Variants in PDSS1 observed in about 807,000 individuals in gnomAD.
The protein encoded by PDSS1 is decaprenyl diphosphate synthase subunit 1.
PDSS1 carries 43 observed loss-of-function variants against 57.5 expected under a neutral mutation model. That is an observed-to-expected ratio of 0.75 (90% CI 0.59 to 0.96). The LOEUF (loss-of-function observed/expected upper bound fraction) is 0.96, where lower values mean the gene tolerates loss of function less well. Among genes scored for constraint, PDSS1 ranks in the 50% least tolerant of loss-of-function variants. The probability of loss-of-function intolerance (pLI) is 0.00; values close to 1 mark genes in which losing one functional copy is unlikely to be tolerated. For missense variants in PDSS1, 438 were observed against 527.8 expected (o/e 0.83, Z 1.67); for synonymous variants, 175 against 191.3 (o/e 0.91, Z 0.70).
chr10:26,726,987 G>A (rs912846686), intron 8 of PDSS1, among the ~76,000 whole-genome samples: 16 of 151,830 alleles, frequency 1.1e-4, no homozygotes, highest in Admixed American at 2.6e-4. Context: ...GCTTGAACCC[G>A]GGAGGTGGAG....
intron 5 of PDSS1, chr10:26,717,634 A>G (rs1406781157): frequency 6.6e-6 from 1 of 152,206 alleles, no homozygotes; most frequent in Non-Finnish European, 1.5e-5. Context: ...CAACTCTAGT[A>G]TCTTGGTGAG....
At chr10:26,699,330 G>T (rs1451001351) in intron 1 of PDSS1, among the ~76,000 whole-genome samples, 1 of 151,896 alleles carries the variant, frequency 6.6e-6, no homozygotes, top group Non-Finnish European at 1.5e-5. Context: ...TTCCACAGAA[G>T]AAGCCAGTAT....
chr10:26,728,995 G>A (rs917384944), intron 8 of PDSS1, among the ~76,000 whole-genome samples: 5 of 151,890 alleles, frequency 3.3e-5, no homozygotes, highest in African/African-American at 1.2e-4. Context: ...TGCCCAGGCT[G>A]GTCTCAAACT....
At position 26,711,467 on chromosome 10, in the gene PDSS1, G is replaced by A. The variant is rs1249657930; in HGVS notation, c.467+1699G>A. Reference sequence around the variant, plus strand: ...CCCAGGTCTGGCTGCCACTTTAGCTGGGCTTTTCAAAGAGCTCTCAGTATA... The same window carrying A: ...CCCAGGTCTGGCTGCCACTTTAGCTAGGCTTTTCAAAGAGCTCTCAGTATA... On this transcript the variant is annotated intron_variant, in intron 5 of 11. Coordinates refer to ENST00000376215, the MANE Select transcript of PDSS1 (RefSeq NM_014317.5). Among the ~76,000 whole-genome samples, 2 of 99,088 alleles carry A rather than the reference G, an allele frequency of 2.0e-5. 1 individual carries two copies. The highest frequency in any genetic ancestry group is 6.6e-5 in the African/African-American group (2 of 30,474). The allele number at this position is 99,088 out of a possible 152,430, so 65.0% of individuals were successfully genotyped here.
intron 8 of PDSS1, among the ~76,000 whole-genome samples, chr10:26,726,658 C>T (rs1010065925): frequency 6.6e-6 from 1 of 152,134 alleles, no homozygotes; most frequent in African/African-American, 2.4e-5. Context: ...CTGCATTCTA[C>T]TAAGGATACC....
chr10:26,746,299 A>T, intron 11 of PDSS1, 34 bp from the exon 12 acceptor site: 1 of 1,611,938 alleles, frequency 6.2e-7, no homozygotes, highest in Non-Finnish European at 8.5e-7. Context: ...AGTCAGTGAC[A>T]GGCATCTGTT....
chr10:26,733,729 G>A (rs187952928), intron 8 of PDSS1, among the ~76,000 whole-genome samples: 130 of 152,128 alleles, frequency 8.5e-4, no homozygotes, highest in African/African-American at 2.7e-3. Context: ...TAATCTCAAC[G>A]CTTTGGGAGG....
At chr10:26,708,097 C>T (rs893223417) in intron 4 of PDSS1, among the ~76,000 whole-genome samples, 12 of 152,220 alleles carry the variant, frequency 7.9e-5, no homozygotes, top group African/African-American at 2.9e-4. Context: ...CGGCAGTGAT[C>T]GTTTTACTTC....
chr10:26,697,884 G>T, intron 1 of PDSS1, 44 bp downstream of exon 1: 1 of 1,254,718 alleles, frequency 8.0e-7, no homozygotes, highest in South Asian at 2.7e-5. Context: ...AGAGGTCACG[G>T]CTCCAATGAC....
rs1402345973 is a variant in PDSS1, at chr10:26,697,857, C to T, written c.129+17C>T. ...CGCGCGCAGGTGAGGTTGGGAGGCGCGCGCCCGGCGGGGCTCAGAGGTCAC... is the reference window on the plus strand; with the variant it reads ...CGCGCGCAGGTGAGGTTGGGAGGCGTGCGCCCGGCGGGGCTCAGAGGTCAC... On this transcript the variant is annotated intron_variant, in intron 1 of 11. Transcript: ENST00000376215. 1.5e-6 allele frequency: 2 copies of T among 1,304,376 alleles called. No individual in the cohort carries two copies. The highest frequency in any genetic ancestry group is 2.0e-6 in the Non-Finnish European group (2 of 1,017,864). 80.8% of individuals were successfully genotyped at this position (1,304,376 alleles called of 1,614,324 possible).
chr10:26,723,885 T>C lies in PDSS1; in HGVS notation c.689T>C (p.Ile230Thr). The change falls in exon 7 of 12, where the codon ATT becomes ACT. Residue 230 changes from isoleucine to threonine, a missense_variant. Coordinates refer to ENST00000376215, the MANE Select transcript of PDSS1 (RefSeq NM_014317.5). ...ARIGNTTVIS[I>T]LTQVIEDLVR... ...ATTGGAAATACAACTGTTATATCTA[T>C]TTTAACCCAAGTTATTGAAGATTTG... 1.9e-6 allele frequency: 3 copies of C among 1,612,362 alleles called. No individual in the cohort carries two copies. Among genetic ancestry groups the C allele is most frequent in the African/African-American group, 1.3e-5 (1 of 75,006 alleles).
At chr10:26,708,114 T>A (rs11015239) in intron 4 of PDSS1, among the ~76,000 whole-genome samples, 1 of 152,124 alleles carries the variant, frequency 6.6e-6, no homozygotes, top group Non-Finnish European at 1.5e-5. Context: ...CTTCTCCCCA[T>A]CTAGACCCTG....
intron 11 of PDSS1, 62 bp downstream of exon 11, chr10:26,742,639 C>A: frequency 2.1e-6 from 2 of 939,636 alleles, no homozygotes; most frequent in Non-Finnish European, 3.5e-6. Flanking sequence ...TCCTTTAATC[C>A]AAAAATGTAA....
intron 8 of PDSS1, among the ~76,000 whole-genome samples, chr10:26,726,454 G>A (rs980565082): frequency 1.3e-5 from 2 of 152,130 alleles, no homozygotes; most frequent in African/African-American, 4.8e-5. Context: ...GAGGTGTTAT[G>A]GATTCAAAAT....
chr10:26,722,818 G>C (rs72792175), intron 6 of PDSS1, among the ~76,000 whole-genome samples: 4,353 of 151,878 alleles, frequency 0.029, 88 homozygotes, highest in Non-Finnish European at 0.04. Flanking sequence ...TTTATAACTA[G>C]TTGCTAATAC....
rs898791164 is a variant in PDSS1, at chr10:26,746,535, A to C, written c.*62A>C. The C allele has an allele frequency of 5.8e-6, 9 of 1,564,890 alleles. No homozygotes were observed. In the African/African-American group the frequency reaches 1.1e-4, roughly 19 times the overall value. On this transcript the variant is annotated 3_prime_UTR_variant, in exon 12 of 12. Transcript: ENST00000376215. ...GACTGTGCCTAAAGAATTTTGTGGA[A>C]TACACTTTGTTTGCTTCATGTGCAG...
intron 1 of PDSS1, among the ~76,000 whole-genome samples, chr10:26,698,882 G>A (rs888811009): frequency 5.3e-5 from 8 of 152,194 alleles, no homozygotes; most frequent in African/African-American, 1.9e-4. Context: ...CCAGCACTTT[G>A]GGAGGCTGAG....
At chr10:26,741,605 C>T (rs568178848) in intron 10 of PDSS1, among the ~76,000 whole-genome samples, 1 of 152,312 alleles carries the variant, frequency 6.6e-6, no homozygotes, top group Admixed American at 6.5e-5. Flanking sequence ...CAGAGCTCTG[C>T]ACATAATGCC....
chr10:26,724,447 T>C (rs2132270892), intron 8 of PDSS1, among the ~76,000 whole-genome samples: 1 of 152,288 alleles, frequency 6.6e-6, no homozygotes, highest in African/African-American at 2.4e-5. Context: ...TAATGATTGA[T>C]ATCACACACA....
Sources: gnomAD v4.1 joint callset for allele counts (sites outside exome capture counted in the v4.1 genomes callset) on GRCh38, gnomAD v4.1.1 for gene constraint, MANE v1.5 for transcripts, NCBI Gene and HGNC (gene_info 2026-07-23, HGNC 2026-07-21) for gene names.